CD163L1: variants seen among roughly 807,000 people sequenced by gnomAD.
CD163L1 encodes the protein scavenger receptor cysteine-rich type 1 protein M160.
In CD163L1, 124 loss-of-function variants were observed where a neutral mutation model predicts 165.4. The ratio of observed to expected loss-of-function variants is 0.75; its 90% CI spans 0.65 to 0.87. The LOEUF is 0.87. Among genes scored for constraint, CD163L1 ranks in the 40% least tolerant of loss-of-function variants. The probability of loss-of-function intolerance (pLI) is 0.00; values close to 1 mark genes in which losing one functional copy is unlikely to be tolerated. For synonymous variants in CD163L1, 585 were observed against 662.2 expected (o/e 0.88, Z 1.79); for missense variants, 1,525 against 1,799.9 (o/e 0.85, Z 2.76).
At chr12:7,322,637 AT>A in the CD163L1 span, 1 of 1,449,238 alleles carries the variant, frequency 6.9e-7, no homozygotes, top group Non-Finnish European at 9.2e-7. Flanking sequence ...CCCACTGTAA[AT>A]TTTTATAGAG....
chr12:7,432,687 T>G lies in CD163L1; in HGVS notation c.495A>C (p.Ser165=). The G allele has an allele frequency of 6.2e-7, 1 of 1,613,834 alleles. No homozygotes were observed. The change falls in exon 4 of 20, where the codon TCA becomes TCC. Residue 165 remains serine (S), a synonymous_variant. Transcript: ENST00000313599. This position sits in a 1 kb window ranked among gnomAD's most constrained non-coding sequence, Gnocchi z 4.2. ...CTTGGAATTTCACCTCCACTCTCCC[T>G]GAACAGGAGTTGTTTCCATCCACTA... The part of the protein sequence containing the change: ...LRLVDGNNSC[S]GRVEVKFQER...
rs765111798 is a variant in CD163L1 at position 7,403,755 on chromosome 12, C to G, written c.1188G>C (p.Gln396His). 2 of 1,613,870 alleles carry G rather than the reference C, an allele frequency of 1.2e-6. No homozygotes were observed. The highest frequency in any genetic ancestry group is 2.7e-5 in the African/African-American group (2 of 74,874). ...IHEQWWTICD[Q>H]NWKNEQALVV... Reference sequence around the variant, plus strand: ...CAAGGGCTTGTTCATTCTTCCAGTTCTGGTCACATATTGTCCACCACTGTT... The same window carrying G: ...CAAGGGCTTGTTCATTCTTCCAGTTGTGGTCACATATTGTCCACCACTGTT... Residue 396 changes from glutamine to histidine, a missense_variant, in exon 6 of 20, where the codon CAG becomes CAC. Coordinates refer to ENST00000313599, the MANE Select transcript of CD163L1 (RefSeq NM_174941.6).
intron 6 of CD163L1, among the ~76,000 whole-genome samples, 177 bp downstream of exon 6, chr12:7,403,358 G>A (rs180858522): frequency 1.3e-5 from 2 of 152,290 alleles, no homozygotes; most frequent in East Asian, 3.9e-4. Context: ...GACTGCTAGT[G>A]AGAAGAAACT....
At chr12:7,427,930 A>G (rs2136618621) in intron 4 of CD163L1, among the ~76,000 whole-genome samples, 1 of 152,266 alleles carries the variant, frequency 6.6e-6, no homozygotes, top group Non-Finnish European at 1.5e-5. Context: ...TGAAGAGTGT[A>G]TATTCTGACC....
chr12:7,325,296 C>T, the CD163L1 span, among the ~76,000 whole-genome samples: 9,279 of 152,314 alleles, frequency 0.061, 380 homozygotes, highest in East Asian at 0.17. Context: ...ACAGATTTCA[C>T]TGAATGGAAA....
At chr12:7,435,296 G>A (rs1429932967) in intron 2 of CD163L1, among the ~76,000 whole-genome samples, 1 of 151,714 alleles carries the variant, frequency 6.6e-6, no homozygotes, top group African/African-American at 2.4e-5. Context: ...TCTATAAAAA[G>A]TGAAAAGTCA....
In CD163L1 at chr12:7,374,500, G is replaced by A. The variant is rs1947213470; in HGVS notation, c.3351C>T (p.Ser1117=). The change falls in exon 13 of 20, where the codon TCC becomes TCT. Residue 1117 remains serine (S), a synonymous_variant. Transcript: ENST00000313599. The surrounding 1 kb of genome is among the most constrained non-coding windows in gnomAD (Gnocchi z 5.4). The part of the protein sequence containing the change: ...GMESHLWQCP[S]RGWGQHDCRH... ...TGCAGTCGTGCTGCCCCCAGCCGCG[G>A]GAAGGGCACTGCCACAAGTGGGACT... is the stretch of plus-strand genomic sequence containing the variant. The A allele has an allele frequency of 6.2e-7, 1 of 1,614,204 alleles. No individual in the cohort carries two copies. Among genetic ancestry groups the A allele is most frequent in the African/African-American group, 1.3e-5 (1 of 75,042 alleles).
the CD163L1 span, among the ~76,000 whole-genome samples, chr12:7,326,266 A>C: frequency 6.6e-6 from 1 of 152,120 alleles, no homozygotes; most frequent in Non-Finnish European, 1.5e-5. Flanking sequence ...GCCGTGGTGC[A>C]GTTATAGCTC....
downstream of CD163L1, among the ~76,000 whole-genome samples, chr12:7,350,861 C>T (rs1049938824): frequency 1.3e-5 from 2 of 152,134 alleles, no homozygotes; most frequent in South Asian, 2.1e-4. Flanking sequence ...TTACCCCTTT[C>T]TCCTGAGCTG....
At position 7,379,133 on chromosome 12, in the gene CD163L1, A is replaced by G. The variant is rs1947332103; in HGVS notation, c.2216T>C (p.Val739Ala). The change falls in exon 9 of 20, where the codon GTC becomes GCC. Residue 739 changes from valine to alanine, a missense_variant. Transcript: ENST00000313599. ...TTCTGTGAAATGAGGCTCTCTGGAGACCCTGATTGCAGACCCACATTCAAG... is the reference window on the plus strand; with the variant it reads ...TTCTGTGAAATGAGGCTCTCTGGAGGCCCTGATTGCAGACCCACATTCAAG... Reference protein sequence around the residue: ...RQLECGSAIRVSREPHFTERT... With the variant: ...RQLECGSAIRASREPHFTERT... The G allele has an allele frequency of 1.9e-6, 3 of 1,614,114 alleles. No individual in the cohort carries two copies. The highest frequency in any genetic ancestry group is 4.5e-5 in the East Asian group (2 of 44,878).
At position 7,369,452 on chromosome 12, in the gene CD163L1, C is replaced by T. The variant is rs140433520; in HGVS notation, c.3944G>A (p.Cys1315Tyr). ...CCATAGAAATGACTCATTTCCTTTG[C>T]ACCGCATGTCATCCAACCAGATGGT... ...TGTIWLDDMR[C>Y]KGNESFLWDC... Residue 1315 changes from cysteine to tyrosine, a missense_variant, in exon 15 of 20, where the codon TGC (cysteine) becomes TAC (tyrosine). By Grantham distance (194) the Cys-to-Tyr change is radical. Coordinates refer to ENST00000313599, the MANE Select transcript of CD163L1 (RefSeq NM_174941.6). This position sits in a 1 kb window ranked among gnomAD's most constrained non-coding sequence, Gnocchi z 4.9. The T allele has an allele frequency of 4.3e-6, 7 of 1,614,026 alleles. No individual in the cohort carries two copies. In the African/African-American group the frequency reaches 8.0e-5, roughly 18 times the overall value.
the CD163L1 span, among the ~76,000 whole-genome samples, chr12:7,332,925 A>C: frequency 1.3e-5 from 2 of 152,212 alleles, no homozygotes; most frequent in African/African-American, 4.8e-5. Flanking sequence ...TCAAATTCAC[A>C]CATAACAATA....
chr12:7,335,170 G>A, the CD163L1 span, among the ~76,000 whole-genome samples: 1 of 152,170 alleles, frequency 6.6e-6, no homozygotes, highest in Non-Finnish European at 1.5e-5. Flanking sequence ...CCAAAAAAGA[G>A]CCTGCATCAC....
At chr12:7,441,776 T>C (rs937890568) in intron 1 of CD163L1, among the ~76,000 whole-genome samples, 1 of 152,240 alleles carries the variant, frequency 6.6e-6, no homozygotes, top group Non-Finnish European at 1.5e-5. Context: ...AATCAACATT[T>C]GGAGGTCACT....
chr12:7,323,687 A>G, the CD163L1 span: 1 of 781,394 alleles, frequency 1.3e-6, no homozygotes, highest in Non-Finnish European at 2.1e-6. Flanking sequence ...TGGGGAGACT[A>G]TCATCTGTCA....
At chr12:7,339,055 G>A in the CD163L1 span, among the ~76,000 whole-genome samples, 1 of 152,174 alleles carries the variant, frequency 6.6e-6, no homozygotes, top group Non-Finnish European at 1.5e-5. Flanking sequence ...GAAATATAGT[G>A]AGATAATAAA....
At chr12:7,436,883 G>C (rs1480507791) in intron 2 of CD163L1, among the ~76,000 whole-genome samples, 1 of 151,354 alleles carries the variant, frequency 6.6e-6, no homozygotes, top group Non-Finnish European at 1.5e-5. Context: ...TCACTCATAA[G>C]GTCTTATTAA....
the CD163L1 span, chr12:7,327,158 G>C: frequency 6.8e-7 from 1 of 1,464,978 alleles, no homozygotes; most frequent in Admixed American, 2.6e-5. Context: ...GCTAGAATTA[G>C]ATTTTACTGG....
In CD163L1 at chr12:7,373,497, C is replaced by T; in HGVS notation, c.3553G>A (p.Gly1185Ser). Reference protein sequence around the residue: ...AIAGIVCRQLGCGENGVVSLA... With the variant: ...AIAGIVCRQLSCGENGVVSLA... ...CTGACAACTCCATTCTCCCCACAGCCCAGCTGCCTGCACACAATGCCTGCT... is the reference window on the plus strand; with the variant it reads ...CTGACAACTCCATTCTCCCCACAGCTCAGCTGCCTGCACACAATGCCTGCT... Residue 1185 changes from glycine (G) to serine (S), a missense_variant, in exon 14 of 20, where the codon GGC becomes AGC. By Grantham distance (56) the Gly-to-Ser change is moderately conservative. Coordinates refer to ENST00000313599, the MANE Select transcript of CD163L1 (RefSeq NM_174941.6). 6.2e-7 allele frequency: 1 copy of T among 1,614,202 alleles called. No individual in the cohort carries two copies.
Sources: allele counts gnomAD v4.1 joint callset (sites outside exome capture counted in the v4.1 genomes callset), GRCh38; gene constraint gnomAD v4.1.1; non-coding constraint Gnocchi (gnomAD v3.1); transcripts MANE v1.5; gene names NCBI Gene and HGNC (gene_info 2026-07-23, HGNC 2026-07-21).